Variants in ALMS1 observed in about 807,000 individuals in gnomAD.
The protein encoded by ALMS1 is centrosome-associated protein ALMS1.
ALMS1 carries 271 observed loss-of-function variants against 352.2 expected under a neutral mutation model. That is an observed-to-expected ratio of 0.77 (90% confidence interval 0.70 to 0.85). ALMS1 has a LOEUF of 0.85. ALMS1 is among the 40% of genes least tolerant of loss of function. ALMS1 has a pLI of 0.00. For missense variants in ALMS1, 5,445 were observed against 4,870.7 expected (o/e 1.12, Z -3.51); for synonymous variants, 1,865 against 1,761.2 (o/e 1.06, Z -1.48).
chr2:73,406,436 G>GTTTT (rs555343293), intron 1 of ALMS1, among the ~76,000 whole-genome samples: 1 of 122,050 alleles, frequency 8.2e-6, no homozygotes, highest in African/African-American at 3.0e-5. Context: ...AATCCTATGG[G>GTTTT]TTTTTTTTTT....
rs1394395790 is a variant in ALMS1, at chr2:73,557,204, G to A, written c.10079-16G>A. ...TATCTTTCCTTTTCTGAAATCAAATGATGTCGTTATTCCAGATGCCTCAGT... is the reference window on the plus strand; with the variant it reads ...TATCTTTCCTTTTCTGAAATCAAATAATGTCGTTATTCCAGATGCCTCAGT... On this transcript the variant is annotated splice_polypyrimidine_tract_variant and intron_variant, in intron 13 of 22. Coordinates refer to ENST00000613296, the MANE Select transcript of ALMS1 (RefSeq NM_001378454.1). 1 of 1,613,946 alleles carries A rather than the reference G, an allele frequency of 6.2e-7. No individual in the cohort carries two copies. The highest frequency in any genetic ancestry group is 2.2e-5 in the East Asian group (1 of 44,862).
At position 73,403,223 on chromosome 2, in the gene ALMS1, A is replaced by G. The variant is rs117182442; in HGVS notation, c.325-5399A>G. Among the ~76,000 whole-genome samples the G allele has an allele frequency of 3.4e-3, 512 of 152,302 alleles. 26 individuals carry two copies. In the East Asian group the frequency reaches 0.081, roughly 24 times the overall value. ...GATTTTTGCTGGTGGTGTAAGATAA[A>G]GGTCCAATTTCATTCTTTTGCATGA... On this transcript the variant is annotated intron_variant, in intron 1 of 22. Transcript: ENST00000613296.
chr2:73,593,996 G>T (rs1347204146), intron 16 of ALMS1, among the ~76,000 whole-genome samples: 1 of 152,112 alleles, frequency 6.6e-6, no homozygotes, highest in Non-Finnish European at 1.5e-5. Context: ...CATTTGTGTT[G>T]TTTCTGTTTT....
At chr2:73,551,032 G>A (rs979009533) in intron 13 of ALMS1, among the ~76,000 whole-genome samples, 5 of 151,746 alleles carry the variant, frequency 3.3e-5, no homozygotes, top group Non-Finnish European at 5.9e-5. Flanking sequence ...GTGATGGGGG[G>A]TTTTTTGTAG....
chr2:73,395,056 A>ATATATGTG (rs1670729265), intron 1 of ALMS1, among the ~76,000 whole-genome samples: 5 of 100,732 alleles, frequency 5.0e-5, no homozygotes, highest in African/African-American at 3.1e-4. Context: ...ATATATATAT[A>ATATATGTG]TGTGTATATA....
chr2:73,424,697 A>C lies in ALMS1; in HGVS notation c.1032A>C (p.Ser344=). ...KDCDRYDDLC[S]YMSWKTRKDT... is the part of the protein sequence containing the mutation. ...GTGATCGTTATGATGATCTTTGTTC[A>C]TATATGTCATGGAAGACACGAAAAG... Residue 344 remains serine, a synonymous_variant, in exon 5 of 23, where the codon TCA becomes TCC. Coordinates refer to ENST00000613296, the MANE Select transcript of ALMS1 (RefSeq NM_001378454.1). 6.2e-7 allele frequency: 1 copy of C among 1,614,146 alleles called. No individual in the cohort carries two copies. Among genetic ancestry groups the C allele is most frequent in the Non-Finnish European group, 8.5e-7 (1 of 1,180,012 alleles).
chr2:73,408,557 T>A, intron 1 of ALMS1, 65 bp from the exon 2 acceptor site: 6 of 1,546,516 alleles, frequency 3.9e-6, no homozygotes, highest in Non-Finnish European at 5.3e-6. Flanking sequence ...AATATTAGTT[T>A]ATTTTTGTTG....
chr2:73,491,615 T>A (rs1672989974), intron 10 of ALMS1, 117 bp downstream of exon 10: 1 of 1,095,070 alleles, frequency 9.1e-7, no homozygotes, highest in Admixed American at 2.0e-5. Context: ...GAGTGGAGGT[T>A]GTGTCTGGCT....
At chr2:73,595,110 C>T (rs928885235) in intron 16 of ALMS1, among the ~76,000 whole-genome samples, 11 of 152,214 alleles carry the variant, frequency 7.2e-5, no homozygotes, top group Admixed American at 3.3e-4. Context: ...TACAGTACAA[C>T]CACATGATAC....
At chr2:73,386,738 C>T (rs980455803) in intron 1 of ALMS1, among the ~76,000 whole-genome samples, 2 of 152,104 alleles carry the variant, frequency 1.3e-5, no homozygotes, top group African/African-American at 4.8e-5. Flanking sequence ...GCTTGGAATG[C>T]AGGAGGCTTG....
intron 10 of ALMS1, among the ~76,000 whole-genome samples, chr2:73,505,665 G>A (rs957424987): frequency 1.3e-5 from 2 of 151,970 alleles, no homozygotes; most frequent in African/African-American, 4.8e-5. Context: ...GCTGAGGAGT[G>A]TTTTACTTCC....
At chr2:73,523,941 A>G (rs1373268901) in intron 11 of ALMS1, among the ~76,000 whole-genome samples, 1 of 152,214 alleles carries the variant, frequency 6.6e-6, no homozygotes, top group Non-Finnish European at 1.5e-5. Flanking sequence ...CTATAAGAAT[A>G]AAGATAAACG....
chr2:73,452,234 A>G lies in ALMS1; in HGVS notation c.5707A>G (p.Ser1903Gly), dbSNP rs781132851. ...SSSYSNREKASIFHQQELPDV... is the reference protein window; with the variant it reads ...SSSYSNREKAGIFHQQELPDV... ...TTCCTACTCAAATAGAGAGAAGGCC[A>G]GTATTTTTCATCAGCAGGAGTTGCC... The change falls in exon 8 of 23, where the codon AGT (serine) becomes GGT (glycine). Residue 1903 changes from serine (S) to glycine (G), a missense_variant. Physicochemically the swap from Ser to Gly is moderately conservative, Grantham distance 56. Coordinates refer to ENST00000613296, the MANE Select transcript of ALMS1 (RefSeq NM_001378454.1). 4 of 1,614,108 alleles carry G rather than the reference A, an allele frequency of 2.5e-6. No individual in the cohort carries two copies. Among genetic ancestry groups the G allele is most frequent in the Non-Finnish European group, 3.4e-6 (4 of 1,180,010 alleles).
chr2:73,390,767 C>CT lies in ALMS1; in HGVS notation c.324+4587dup, dbSNP rs879593619. ...TGGGTCATCAACAGTGCTTGGAAAT[C>CT]TTTTTTTTTTTTCTTTTTAAGATGG... On this transcript the variant is annotated intron_variant, in intron 1 of 22. Transcript: ENST00000613296. 1.4e-3 allele frequency among the ~76,000 whole-genome samples: 207 copies of CT among 145,502 alleles called. 1 individual carries two copies. Among genetic ancestry groups the CT allele is most frequent in the African/African-American group, 3.4e-3 (135 of 39,796 alleles).
intron 1 of ALMS1, among the ~76,000 whole-genome samples, chr2:73,399,822 T>C (rs1046652431): frequency 1.3e-5 from 2 of 152,148 alleles, no homozygotes; most frequent in African/African-American, 4.8e-5. Flanking sequence ...TTCCCCTCTA[T>C]TCCTATTTTA....
At chr2:73,399,565 C>G (rs1229932524) in intron 1 of ALMS1, among the ~76,000 whole-genome samples, 1 of 151,766 alleles carries the variant, frequency 6.6e-6, no homozygotes, top group African/African-American at 2.4e-5. Context: ...TCACTTATCA[C>G]TAAGGGAATG....
At chr2:73,586,744 T>A (rs1440901657) in intron 16 of ALMS1, among the ~76,000 whole-genome samples, 3 of 152,206 alleles carry the variant, frequency 2.0e-5, no homozygotes, top group African/African-American at 7.2e-5. Flanking sequence ...GTTTTTTGGT[T>A]CCATATGAAT....
chr2:73,554,063 G>T (rs1468182425), intron 13 of ALMS1, among the ~76,000 whole-genome samples: 1 of 152,136 alleles, frequency 6.6e-6, no homozygotes, highest in Non-Finnish European at 1.5e-5. Flanking sequence ...GACTTTTCTT[G>T]TAAGCCTCGT....
rs528822476 is a variant in ALMS1 at position 73,492,569 on chromosome 2, A to G, written c.9539+1071A>G. On this transcript the variant is annotated intron_variant, in intron 10 of 22. Transcript: ENST00000613296. ...ACACTTCCAACCATGATGCTGGACAACTGATTTAATATCCTTGGCACTCAT... is the reference window on the plus strand; with the variant it reads ...ACACTTCCAACCATGATGCTGGACAGCTGATTTAATATCCTTGGCACTCAT... 2.6e-5 allele frequency among the ~76,000 whole-genome samples: 4 copies of G among 152,310 alleles called. No homozygotes were observed. In the South Asian group the frequency reaches 6.2e-4, roughly 24 times the overall value.
Sources: allele counts gnomAD v4.1 joint callset (sites outside exome capture counted in the v4.1 genomes callset), GRCh38; gene constraint gnomAD v4.1.1; transcripts MANE v1.5; gene names NCBI Gene and HGNC (gene_info 2026-07-23, HGNC 2026-07-21).